Variants in WDR70 observed in about 807,000 individuals in gnomAD.
WDR70 encodes WD repeat-containing protein 70.
A neutral mutation model predicts 88.6 loss-of-function variants in WDR70; 53 were observed. That is an observed-to-expected ratio of 0.60 (90% CI 0.48 to 0.75). The LOEUF (loss-of-function observed/expected upper bound fraction) is 0.75, where lower values mean the gene tolerates loss of function less well. Among genes scored for constraint, WDR70 ranks in the 30% least tolerant of loss-of-function variants. WDR70 has a pLI of 0.00. For missense variants in WDR70, 610 were observed against 823.2 expected (o/e 0.74, Z 3.17); for synonymous variants, 280 against 270.0 (o/e 1.04, Z -0.36).
In WDR70 at chr5:37,538,493, G is replaced by C. The variant is rs552051472; in HGVS notation, c.917+21903G>C. Among the ~76,000 whole-genome samples, 160 of 152,282 alleles carry C rather than the reference G, an allele frequency of 1.1e-3. 1 individual carries two copies. The Middle Eastern group carries it at 0.024, about 23-fold the overall frequency. Reference sequence around the variant, plus strand: ...ATAAGAATTGGTTTAGATGCAGTTGGGGGGAGGATTCAGATGGCAATTGTG... The same window carrying C: ...ATAAGAATTGGTTTAGATGCAGTTGCGGGGAGGATTCAGATGGCAATTGTG... On this transcript the variant is annotated intron_variant, in intron 9 of 17. Coordinates refer to ENST00000265107, the MANE Select transcript of WDR70 (RefSeq NM_018034.4).
intron 10 of WDR70, among the ~76,000 whole-genome samples, chr5:37,615,864 C>G (rs758685644): frequency 6.6e-6 from 1 of 152,168 alleles, no homozygotes; most frequent in South Asian, 2.1e-4. Flanking sequence ...ACACTCACTC[C>G]CTCAATTGCG....
At chr5:37,503,173 C>T (rs1740454415) in intron 8 of WDR70, among the ~76,000 whole-genome samples, 1 of 151,942 alleles carries the variant, frequency 6.6e-6, no homozygotes, top group Non-Finnish European at 1.5e-5. Flanking sequence ...ACATTTTTTC[C>T]TAAGTTTGGT....
In WDR70 at chr5:37,644,026, T is replaced by C. The variant is rs570606906; in HGVS notation, c.1092+38788T>C. Among the ~76,000 whole-genome samples the C allele has an allele frequency of 5.9e-5, 9 of 152,236 alleles. No homozygotes were observed. The South Asian group carries it at 1.9e-3, about 32-fold the overall frequency. ...GTTAGACTTCCAGTATTACATTGAA[T>C]AACAGTGGTGAAAGTGAACATCCTT... On this transcript the variant is annotated intron_variant, in intron 10 of 17. Coordinates refer to ENST00000265107, the MANE Select transcript of WDR70 (RefSeq NM_018034.4).
chr5:37,597,839 G>A (rs1024070709), intron 9 of WDR70, among the ~76,000 whole-genome samples: 1 of 152,172 alleles, frequency 6.6e-6, no homozygotes, highest in Admixed American at 6.5e-5. Flanking sequence ...ATTTGTTATA[G>A]CAACACAAAA....
chr5:37,410,108 T>C (rs1480417529), intron 5 of WDR70, among the ~76,000 whole-genome samples: 1 of 151,854 alleles, frequency 6.6e-6, no homozygotes, highest in Admixed American at 6.6e-5. Flanking sequence ...CTAAAACTCT[T>C]GGGCTCAAGC....
chr5:37,750,178 G>T (rs2112748728), intron 17 of WDR70, among the ~76,000 whole-genome samples: 1 of 152,114 alleles, frequency 6.6e-6, no homozygotes, highest in Admixed American at 6.5e-5. Context: ...TGTTGATTCT[G>T]TGCCCTTTGA....
rs556633543 is a variant in WDR70 at position 37,529,387 on chromosome 5, A to G, written c.917+12797A>G. 2.0e-5 allele frequency among the ~76,000 whole-genome samples: 3 copies of G among 152,244 alleles called. No individual in the cohort carries two copies. The East Asian group carries it at 5.8e-4, about 29-fold the overall frequency. ...ATGTTGGTATTTTGATGGAAATTGC[A>G]TTCAATTTATAGATTGCTTTTGGCA... On this transcript the variant is annotated intron_variant, in intron 9 of 17. Transcript: ENST00000265107.
intron 7 of WDR70, among the ~76,000 whole-genome samples, chr5:37,459,303 T>G (rs71588457): frequency 0.84 from 110,165 of 130,984 alleles, 49,883 homozygotes; most frequent in East Asian, 1. Flanking sequence ...TGTATATTCT[T>G]TTGATTTGGG....
chr5:37,391,933 TA>T (rs1748832519), intron 3 of WDR70, 66 bp from the exon 4 acceptor site: 42 of 1,524,862 alleles, frequency 2.8e-5, no homozygotes, highest in Non-Finnish European at 3.6e-5. Context: ...TTAGCCTTTC[TA>T]ATACTAACAT....
At chr5:37,614,400 A>G (rs1457465318) in intron 10 of WDR70, among the ~76,000 whole-genome samples, 6 of 152,216 alleles carry the variant, frequency 3.9e-5, no homozygotes, top group Non-Finnish European at 1.5e-5. Context: ...GATTAGCAAC[A>G]TTAAATCAAT....
intron 10 of WDR70, among the ~76,000 whole-genome samples, chr5:37,694,546 G>A (rs1379389316): frequency 6.6e-6 from 1 of 151,872 alleles, no homozygotes; most frequent in Non-Finnish European, 1.5e-5. Context: ...ATGTCTTTCA[G>A]GGACATGGAT....
chr5:37,608,909 G>C (rs1744110133), intron 10 of WDR70, among the ~76,000 whole-genome samples: 1 of 152,140 alleles, frequency 6.6e-6, no homozygotes, highest in East Asian at 1.9e-4. Flanking sequence ...ATGAGGGAAA[G>C]GATTGCTGTC....
intron 5 of WDR70, among the ~76,000 whole-genome samples, chr5:37,398,947 G>A (rs1749112110): frequency 6.6e-6 from 1 of 152,104 alleles, no homozygotes; most frequent in Admixed American, 6.6e-5. Context: ...TTTGAGACTA[G>A]CCTGGCCAAC....
chr5:37,446,631 T>C (rs1189230869), intron 7 of WDR70, among the ~76,000 whole-genome samples: 1 of 151,920 alleles, frequency 6.6e-6, no homozygotes, highest in Non-Finnish European at 1.5e-5. Context: ...TCAGAAATAA[T>C]ACCACACATC....
intron 7 of WDR70, among the ~76,000 whole-genome samples, chr5:37,470,124 C>T (rs10461981): frequency 0.53 from 39,209 of 73,568 alleles, 5,690 homozygotes; most frequent in East Asian, 0.66. Flanking sequence ...AAAACAAAAA[C>T]AAAAACAAAA....
At position 37,531,214 on chromosome 5, in the gene WDR70, A is replaced by G. The variant is rs183409071; in HGVS notation, c.917+14624A>G. Among the ~76,000 whole-genome samples, 466 of 152,280 alleles carry G rather than the reference A, an allele frequency of 3.1e-3. 4 individuals carry two copies. Among genetic ancestry groups the G allele is most frequent in the Non-Finnish European group, 3.1e-3 (213 of 67,996 alleles). On this transcript the variant is annotated intron_variant, in intron 9 of 17. Coordinates refer to ENST00000265107, the MANE Select transcript of WDR70 (RefSeq NM_018034.4). Reference sequence around the variant, plus strand: ...TGAGACTTGTTTTGTGGCATATCATATGGTCTGTCTTGGAGAATGTTCCAT... The same window carrying G: ...TGAGACTTGTTTTGTGGCATATCATGTGGTCTGTCTTGGAGAATGTTCCAT...
At chr5:37,585,633 A>G (rs1743344805) in intron 9 of WDR70, among the ~76,000 whole-genome samples, 1 of 152,024 alleles carries the variant, frequency 6.6e-6, no homozygotes, top group Non-Finnish European at 1.5e-5. Context: ...TTCTCCATTT[A>G]TGTGAAAAAT....
intron 7 of WDR70, among the ~76,000 whole-genome samples, chr5:37,470,769 T>C (rs1348444823): frequency 1.3e-5 from 2 of 152,216 alleles, no homozygotes; most frequent in Non-Finnish European, 2.9e-5. Context: ...ATGAGTAGTT[T>C]TTCTGTGAAC....
At chr5:37,725,251 T>C (rs1348118914) in intron 16 of WDR70, among the ~76,000 whole-genome samples, 1 of 152,068 alleles carries the variant, frequency 6.6e-6, no homozygotes, top group Non-Finnish European at 1.5e-5. Context: ...AAAATTGAGC[T>C]TCTATACTGA....
Sources: allele counts gnomAD v4.1 joint callset (sites outside exome capture counted in the v4.1 genomes callset), GRCh38; gene constraint gnomAD v4.1.1; transcripts MANE v1.5; gene names NCBI Gene and HGNC (gene_info 2026-07-23, HGNC 2026-07-21).